Variants in JARID2 observed in about 807,000 individuals in gnomAD.
JARID2 encodes the protein protein Jumonji.
In JARID2, 21 loss-of-function variants were observed where a neutral mutation model predicts 125.6. The ratio of observed to expected loss-of-function variants is 0.17; its 90% CI spans 0.12 to 0.24. JARID2 has a LOEUF of 0.24. Ranked by LOEUF, JARID2 falls within the 10% of genes least tolerant of loss-of-function variation. The pLI, the probability that JARID2 is intolerant of heterozygous loss-of-function variation, is 1.00. For synonymous variants in JARID2, 736 were observed against 661.6 expected, an observed-to-expected ratio of 1.11 and a Z score of -1.73; for missense variants, 1,303 against 1,639.6, an observed-to-expected ratio of 0.79 and a Z score of 3.55.
chr6:15,478,007 C>G (rs1769429950), intron 5 of JARID2, among the ~76,000 whole-genome samples: 1 of 152,152 alleles, frequency 6.6e-6, no homozygotes, highest in Non-Finnish European at 1.5e-5. Flanking sequence ...CTTGGTAATT[C>G]CTGTGTCAGG....
rs1192708995 is a variant in JARID2 at position 15,496,349 on chromosome 6, T to C, written c.1124T>C (p.Ile375Thr). The C allele has an allele frequency of 8.1e-6, 13 of 1,613,860 alleles. No homozygotes were observed. Among genetic ancestry groups the C allele is most frequent in the Non-Finnish European group, 1.1e-5 (13 of 1,179,974 alleles). Residue 375 changes from isoleucine (I) to threonine (T), a missense_variant, in exon 7 of 18, where the codon ATC (isoleucine) becomes ACC (threonine). By Grantham distance (89) the Ile-to-Thr change is moderately conservative (BLOSUM62 -1). Around this residue, in one of 11 missense-constraint regions of JARID2, gnomAD observed 651 missense variants for 581.6 expected, o/e 1.12. Transcript: ENST00000341776. ...CCCAGTTCCGCTGTCAACCACACAATCTCAGGGAAAACTGAAAGTAGCAAT... is the reference window on the plus strand; with the variant it reads ...CCCAGTTCCGCTGTCAACCACACAACCTCAGGGAAAACTGAAAGTAGCAAT... ...HKPSSAVNHTISGKTESSNAK... is the reference protein window; with the variant it reads ...HKPSSAVNHTTSGKTESSNAK...
chr6:15,277,256 G>C (rs1760561009), intron 1 of JARID2, among the ~76,000 whole-genome samples: 1 of 152,152 alleles, frequency 6.6e-6, no homozygotes, highest in African/African-American at 2.4e-5. Flanking sequence ...AGGGGCTGGA[G>C]TTACAGCCCA....
At chr6:15,302,396 C>T (rs1761662602) in intron 1 of JARID2, among the ~76,000 whole-genome samples, 1 of 151,310 alleles carries the variant, frequency 6.6e-6, no homozygotes, top group Admixed American at 6.6e-5. Flanking sequence ...TCCTGGGCGA[C>T]AGAGCGAGAC....
chr6:15,485,252 C>T (rs1490542922), intron 5 of JARID2, among the ~76,000 whole-genome samples: 1 of 152,168 alleles, frequency 6.6e-6, no homozygotes, highest in Non-Finnish European at 1.5e-5. Flanking sequence ...GATAAAGGCT[C>T]ACAACCGATA....
At chr6:15,466,432 A>T (rs1421135022) in intron 4 of JARID2, among the ~76,000 whole-genome samples, 1 of 152,238 alleles carries the variant, frequency 6.6e-6, no homozygotes, top group Admixed American at 6.5e-5. Flanking sequence ...TTTATCTGGG[A>T]GGAACTATTT....
chr6:15,384,317 G>A (rs1246779370), intron 2 of JARID2, among the ~76,000 whole-genome samples: 2 of 151,702 alleles, frequency 1.3e-5, no homozygotes, highest in Admixed American at 6.6e-5. Flanking sequence ...GAACTCCTGG[G>A]CTTAGCTGTT....
intron 1 of JARID2, chr6:15,247,702 T>C (rs949675097): frequency 7.1e-6 from 7 of 985,214 alleles, no homozygotes; most frequent in African/African-American, 7.0e-5. Flanking sequence ...TGTAAAAAAA[T>C]ATATTTAATG....
chr6:15,490,334 G>T (rs1315864875), intron 6 of JARID2, among the ~76,000 whole-genome samples: 1 of 152,120 alleles, frequency 6.6e-6, no homozygotes, highest in Non-Finnish European at 1.5e-5. Flanking sequence ...TAATTTTTAG[G>T]GGGTGCTGCC....
At chr6:15,373,501 A>G (rs1764244031) in intron 1 of JARID2, among the ~76,000 whole-genome samples, 1 of 152,218 alleles carries the variant, frequency 6.6e-6, no homozygotes. Flanking sequence ...TAAAACAAAA[A>G]TCATGCCAGT....
chr6:15,415,827 C>CCCCCACCA (rs1766162432), intron 3 of JARID2, among the ~76,000 whole-genome samples: 1 of 135,742 alleles, frequency 7.4e-6, no homozygotes, highest in Non-Finnish European at 1.6e-5. Context: ...GGGGCTGACC[C>CCCCCACCA]CCCCACCTCC....
intron 4 of JARID2, among the ~76,000 whole-genome samples, chr6:15,466,907 A>G (rs1768767051): frequency 6.6e-6 from 1 of 152,222 alleles, no homozygotes; most frequent in Admixed American, 6.5e-5. Context: ...TCTGTCCAGA[A>G]TCTACTTCTA....
At chr6:15,458,592 C>T (rs1768300192) in intron 4 of JARID2, among the ~76,000 whole-genome samples, 1 of 152,044 alleles carries the variant, frequency 6.6e-6, no homozygotes, top group Non-Finnish European at 1.5e-5. Flanking sequence ...TGCTAGACAC[C>T]TAGAAAACAG....
chr6:15,472,063 T>C (rs921801006), intron 5 of JARID2, among the ~76,000 whole-genome samples: 1 of 152,124 alleles, frequency 6.6e-6, no homozygotes, highest in Non-Finnish European at 1.5e-5. Flanking sequence ...AATTCAGATA[T>C]TTCCAGGAAC....
intron 1 of JARID2, among the ~76,000 whole-genome samples, chr6:15,331,384 G>A (rs909440856): frequency 6.6e-6 from 1 of 151,000 alleles, no homozygotes; most frequent in East Asian, 1.9e-4. Context: ...TGTAGGCCAG[G>A]AGTGGTGAAG....
chr6:15,276,026 T>C (rs9476814), intron 1 of JARID2, among the ~76,000 whole-genome samples: 1 of 152,190 alleles, frequency 6.6e-6, no homozygotes, highest in Non-Finnish European at 1.5e-5. Context: ...AGAAAAAGAC[T>C]GCCTTAATTT....
At chr6:15,437,642 A>G (rs72836327) in intron 3 of JARID2, among the ~76,000 whole-genome samples, 2 of 148,556 alleles carry the variant, frequency 1.3e-5, no homozygotes, top group South Asian at 2.1e-4. Context: ...AGCAACAGGG[A>G]AAAAAAAAAC....
At chr6:15,272,154 A>G (rs1417651420) in intron 1 of JARID2, among the ~76,000 whole-genome samples, 1 of 152,242 alleles carries the variant, frequency 6.6e-6, no homozygotes, top group African/African-American at 2.4e-5. Context: ...AGAAAAACAA[A>G]AAAACAAAAA....
At chr6:15,354,847 A>T (rs1763544627) in intron 1 of JARID2, among the ~76,000 whole-genome samples, 1 of 152,216 alleles carries the variant, frequency 6.6e-6, no homozygotes, top group African/African-American at 2.4e-5. Flanking sequence ...AGTTCCTTAG[A>T]CTGGGGTATA....
At chr6:15,317,647 T>C (rs1762222613) in intron 1 of JARID2, among the ~76,000 whole-genome samples, 2 of 152,112 alleles carry the variant, frequency 1.3e-5, no homozygotes, top group South Asian at 4.2e-4. Context: ...CCCTCTTGCG[T>C]CTCGGAGGTG....
Sources: gnomAD v4.1 joint callset for allele counts (sites outside exome capture counted in the v4.1 genomes callset) on GRCh38, gnomAD v4.1.1 for gene constraint, gnomAD v4.1.1 regional missense constraint, MANE v1.5 for transcripts, NCBI Gene and HGNC (gene_info 2026-07-23, HGNC 2026-07-21) for gene names.